The following GPC5 variants were observed in gnomAD, a reference collection of about 807,000 sequenced individuals.
The protein encoded by GPC5 is glypican 5.
A neutral mutation model predicts 53.9 loss-of-function variants in GPC5; 47 were observed. That is an observed-to-expected ratio of 0.87 (90% CI 0.69 to 1.11). GPC5 has a LOEUF of 1.11. GPC5 is among the 50% of genes most tolerant of loss of function. GPC5 has a pLI of 0.00. For missense variants in GPC5, 748 were observed against 713.1 expected, an observed-to-expected ratio of 1.05 and a Z score of -0.56; for synonymous variants, 286 against 263.3, an observed-to-expected ratio of 1.09 and a Z score of -0.84.
chr13:92,525,775 A>G (rs1369353463), intron 7 of GPC5, among the ~76,000 whole-genome samples: 2 of 151,992 alleles, frequency 1.3e-5, no homozygotes, highest in Admixed American at 6.6e-5. Context: ...GCTGATGGTG[A>G]TATTATCCAT....
chr13:92,798,238 A>G (rs1464314283), intron 7 of GPC5, among the ~76,000 whole-genome samples: 1 of 151,882 alleles, frequency 6.6e-6, no homozygotes, highest in Admixed American at 6.6e-5. Context: ...AAATTTCAGT[A>G]AGACATATAG....
intron 2 of GPC5, among the ~76,000 whole-genome samples, chr13:91,536,196 A>G (rs1178254869): frequency 6.6e-6 from 1 of 152,194 alleles, no homozygotes; most frequent in Non-Finnish European, 1.5e-5. Flanking sequence ...TCCTCTATAA[A>G]AACAATACAA....
intron 7 of GPC5, among the ~76,000 whole-genome samples, chr13:92,517,157 G>T (rs1259816852): frequency 6.6e-6 from 1 of 152,180 alleles, no homozygotes; most frequent in Non-Finnish European, 1.5e-5. Context: ...CCTGAGGCTT[G>T]TGTAGGTAAA....
intron 2 of GPC5, among the ~76,000 whole-genome samples, chr13:91,607,106 T>C (rs1286529179): frequency 2.0e-5 from 3 of 152,154 alleles, no homozygotes; most frequent in African/African-American, 7.2e-5. Context: ...TACTCTTTAT[T>C]TTTATTTAGT....
chr13:92,331,290 C>G (rs533935161), intron 7 of GPC5, among the ~76,000 whole-genome samples: 2 of 152,048 alleles, frequency 1.3e-5, no homozygotes, highest in Non-Finnish European at 2.9e-5. Context: ...ACAATTATTA[C>G]AAAATGCTTC....
intron 7 of GPC5, among the ~76,000 whole-genome samples, chr13:92,752,901 T>C (rs974852946): frequency 7.9e-5 from 12 of 152,142 alleles, no homozygotes; most frequent in Middle Eastern, 3.4e-3. Context: ...AAGGCGGCAG[T>C]GAGGCTGGGG....
At chr13:92,202,258 T>A (rs2042300438) in intron 7 of GPC5, among the ~76,000 whole-genome samples, 1 of 152,218 alleles carries the variant, frequency 6.6e-6, no homozygotes, top group South Asian at 2.1e-4. Context: ...TGTATCTAGA[T>A]CACATACCTA....
At chr13:91,888,349 G>A (rs897527938) in intron 5 of GPC5, among the ~76,000 whole-genome samples, 2 of 152,168 alleles carry the variant, frequency 1.3e-5, no homozygotes, top group Non-Finnish European at 2.9e-5. Flanking sequence ...AATTCAAGAC[G>A]AAATTTGGGT....
intron 2 of GPC5, among the ~76,000 whole-genome samples, chr13:91,514,317 A>G (rs374967723): frequency 6.6e-6 from 1 of 152,186 alleles, no homozygotes; most frequent in Non-Finnish European, 1.5e-5. Flanking sequence ...ATTTGATGTC[A>G]CTAATTTTAT....
At chr13:91,751,981 C>T (rs1341625528) in intron 4 of GPC5, among the ~76,000 whole-genome samples, 1 of 152,144 alleles carries the variant, frequency 6.6e-6, no homozygotes, top group Non-Finnish European at 1.5e-5. Context: ...TGAATTTCCT[C>T]AATAGTTCTG....
chr13:92,625,926 T>C, intron 7 of GPC5, among the ~76,000 whole-genome samples: 1 of 152,152 alleles, frequency 6.6e-6, no homozygotes, highest in East Asian at 1.9e-4. Flanking sequence ...CCTTGTTCAT[T>C]GTGTCCTCAC....
rs139575664 is a variant in GPC5, at chr13:92,199,479, TA to T, written c.1561+54497del. ...CAATATTTGAGATAAAATTGAATAA[TA>T]AAAAAAGATATTTTCTTTCATAAAA... On this transcript the variant is annotated intron_variant, in intron 7 of 7. Transcript: ENST00000377067. 7.9e-3 allele frequency among the ~76,000 whole-genome samples: 1,207 copies of T among 152,180 alleles called. 23 individuals are homozygous for T. Among genetic ancestry groups the T allele is most frequent in the African/African-American group, 0.027 (1,128 of 41,524 alleles).
chr13:92,494,244 T>C (rs1053259352), intron 7 of GPC5, among the ~76,000 whole-genome samples: 14 of 152,024 alleles, frequency 9.2e-5, no homozygotes, highest in East Asian at 3.9e-4. Context: ...CGCCCGCCAC[T>C]ACGCCCGGCT....
chr13:92,351,094 G>A (rs768443321), intron 7 of GPC5, among the ~76,000 whole-genome samples: 31 of 151,330 alleles, frequency 2.0e-4, no homozygotes, highest in Non-Finnish European at 4.6e-4. Context: ...TTTTGTACTT[G>A]GTTAATATTT....
At chr13:92,246,582 A>G (rs1046090883) in intron 7 of GPC5, among the ~76,000 whole-genome samples, 2 of 152,126 alleles carry the variant, frequency 1.3e-5, no homozygotes, top group Non-Finnish European at 2.9e-5. Context: ...AAAACTCATC[A>G]TCATTTCCTA....
In GPC5 at chr13:92,754,405, G is replaced by A. The variant is rs181594288; in HGVS notation, c.1562-111877G>A. Among the ~76,000 whole-genome samples, 262 of 152,190 alleles carry A rather than the reference G, an allele frequency of 1.7e-3. 4 individuals are homozygous for A. The Middle Eastern group carries it at 0.024, about 14-fold the overall frequency. On this transcript the variant is annotated intron_variant, in intron 7 of 7. Coordinates refer to ENST00000377067, the MANE Select transcript of GPC5 (RefSeq NM_004466.6). ...AAAATGTAAAGACCATCAAGAATAGGAAGAAACTGCATCAACTAATGAGCG... is the reference window on the plus strand; with the variant it reads ...AAAATGTAAAGACCATCAAGAATAGAAAGAAACTGCATCAACTAATGAGCG...
chr13:92,577,467 T>C (rs1438938454), intron 7 of GPC5, among the ~76,000 whole-genome samples: 1 of 144,138 alleles, frequency 6.9e-6, no homozygotes, highest in African/African-American at 2.5e-5. Flanking sequence ...ACCTTGAAAG[T>C]CTGGTATTAT....
At chr13:91,417,906 T>C (rs1424503092) in intron 1 of GPC5, among the ~76,000 whole-genome samples, 1 of 152,152 alleles carries the variant, frequency 6.6e-6, no homozygotes, top group Admixed American at 6.5e-5. Context: ...TTATGTGTGG[T>C]TTTACTTTCT....
At chr13:91,988,116 T>A (rs2040425919) in intron 6 of GPC5, among the ~76,000 whole-genome samples, 1 of 150,808 alleles carries the variant, frequency 6.6e-6, no homozygotes, top group Non-Finnish European at 1.5e-5. Flanking sequence ...AGCTTTTAGA[T>A]ACATATTTTT....
Sources: gnomAD v4.1 joint callset for allele counts (sites outside exome capture counted in the v4.1 genomes callset) on GRCh38, gnomAD v4.1.1 for gene constraint, MANE v1.5 for transcripts, NCBI Gene and HGNC (gene_info 2026-07-23, HGNC 2026-07-21) for gene names.